RANBP3: variants seen among roughly 807,000 people sequenced by gnomAD.
RANBP3 encodes ran-binding protein 3.
A neutral mutation model predicts 77.3 loss-of-function variants in RANBP3; 14 were observed. The observed-to-expected ratio is 0.18, with a 90% CI of 0.12 to 0.28. RANBP3 has a LOEUF of 0.28. RANBP3 is among the 10% of genes least tolerant of loss of function. RANBP3 has a pLI of 1.00. For missense variants in RANBP3, 586 were observed against 752.3 expected (o/e 0.78, Z 2.59); for synonymous variants, 315 against 312.4 (o/e 1.01, Z -0.09).
chr19:5,961,336 G>A (rs758956835), intron 1 of RANBP3, among the ~76,000 whole-genome samples: 12 of 151,694 alleles, frequency 7.9e-5, no homozygotes, highest in African/African-American at 1.2e-4. Context: ...CCAGCAACTC[G>A]GGAGGCTGAG....
rs986616626 is a variant in RANBP3, at chr19:5,917,489, G to A, written c.*121C>T. The A allele has an allele frequency of 6.2e-5, 72 of 1,161,006 alleles. No individual in the cohort carries two copies. Among genetic ancestry groups the A allele is most frequent in the Middle Eastern group, 2.9e-4 (1 of 3,420 alleles). The allele number at this position is 1,161,006 out of a possible 1,614,324, so 71.9% of individuals were successfully genotyped here. A position where few individuals can be genotyped will look rare whatever the true frequency, so the allele number is the denominator to read the frequency against. Reference sequence around the variant, plus strand: ...GGACGTGCGGGTCCAGACTGTGGCCGGCCCAGTGGGGTGTGTGGTTCCCGG... The same window carrying A: ...GGACGTGCGGGTCCAGACTGTGGCCAGCCCAGTGGGGTGTGTGGTTCCCGG... On this transcript the variant is annotated 3_prime_UTR_variant, in exon 17 of 17. Transcript: ENST00000340578.
rs574346567 is a variant in RANBP3, at chr19:5,951,661, C to CG, written c.79-66dup. Reference sequence around the variant, plus strand: ...AGGCTGCATCACACAGCAGGAAGGGCGGGCAGGGGTCAGAGGCTGGAGCTG... The same window carrying CG: ...AGGCTGCATCACACAGCAGGAAGGGCGGGGCAGGGGTCAGAGGCTGGAGCTG... On this transcript the variant is annotated intron_variant, in intron 2 of 16. Transcript: ENST00000340578. 197 of 1,461,766 alleles carry CG rather than the reference C, an allele frequency of 1.3e-4. 1 individual carries two copies. The African/African-American group carries it at 2.6e-3, about 19-fold the overall frequency. 90.5% of individuals were successfully genotyped at this position (1,461,766 alleles called of 1,614,324 possible).
At chr19:5,947,143 G>A (rs560385210) in intron 3 of RANBP3, among the ~76,000 whole-genome samples, 11 of 151,972 alleles carry the variant, frequency 7.2e-5, no homozygotes, top group African/African-American at 2.4e-4. Flanking sequence ...GAGAAACCCC[G>A]TCTCTACTAA....
Position 5,932,491 on chromosome 19 carries a change from C to A in RANBP3, c.526G>T (p.Val176Leu). 3 of 1,613,906 alleles carry A rather than the reference C, an allele frequency of 1.9e-6. No homozygotes were observed. Among genetic ancestry groups the A allele is most frequent in the Non-Finnish European group, 2.5e-6 (3 of 1,180,024 alleles). Residue 176 changes from valine to leucine, a missense_variant, in exon 7 of 17, where the codon GTG (valine) becomes TTG (leucine). Val to Leu is a conservative substitution (Grantham distance 32). Around this residue, in one of 5 missense-constraint regions of RANBP3, gnomAD observed 232 missense variants for 271.7 expected, o/e 0.85. Transcript: ENST00000340578. The part of the protein sequence containing the change: ...EQQRSVLRPA[V>L]LQAPQPKALS... ...GCCTTTGGCTGCGGAGCTTGTAACA[C>A]TGCCGGGCGAAGCACGCTCCGCTGC...
At chr19:5,933,541 G>T in intron 5 of RANBP3, 62 bp from the exon 6 acceptor site, 1 of 1,425,608 alleles carries the variant, frequency 7.0e-7, no homozygotes, top group Non-Finnish European at 9.8e-7. Flanking sequence ...GGCCTGGGGG[G>T]CAAGGGCAGG....
intron 1 of RANBP3, among the ~76,000 whole-genome samples, chr19:5,961,801 C>A (rs2058406081): frequency 6.6e-6 from 1 of 152,104 alleles, no homozygotes; most frequent in Non-Finnish European, 1.5e-5. Flanking sequence ...AGGCTGAGCA[C>A]CTTGAGACAG....
At chr19:5,922,336 G>A (rs987435979) in intron 13 of RANBP3, among the ~76,000 whole-genome samples, 1 of 152,176 alleles carries the variant, frequency 6.6e-6, no homozygotes, top group East Asian at 1.9e-4. Context: ...AGATGACAAA[G>A]TGGTAAGTGG....
At chr19:5,969,554 C>T (rs967297555) in intron 1 of RANBP3, among the ~76,000 whole-genome samples, 2 of 152,246 alleles carry the variant, frequency 1.3e-5, no homozygotes, top group Non-Finnish European at 2.9e-5. Context: ...CCATAAACAG[C>T]GACAGCGAAA....
intron 1 of RANBP3, among the ~76,000 whole-genome samples, chr19:5,964,780 G>A (rs2058443947): frequency 6.7e-6 from 1 of 148,798 alleles, no homozygotes; most frequent in Admixed American, 6.8e-5. Flanking sequence ...GCTAATGCTT[G>A]GGACACGCCT....
chr19:5,924,392 C>A lies in RANBP3; in HGVS notation c.996+435G>T, dbSNP rs368633633. Among the ~76,000 whole-genome samples, 1 of 152,244 alleles carries A rather than the reference C, an allele frequency of 6.6e-6. No individual in the cohort carries two copies. Among genetic ancestry groups the A allele is most frequent in the Non-Finnish European group, 1.5e-5 (1 of 68,044 alleles). ...CCCAGGCTGGCTGGGCTCCTGGGAA[C>A]GGAGATGGGCCTTTCGTGCACCCAA... On this transcript the variant is annotated intron_variant, in intron 11 of 16. Coordinates refer to ENST00000340578, the MANE Select transcript of RANBP3 (RefSeq NM_007322.3). This position sits in a 1 kb window ranked among gnomAD's most constrained non-coding sequence, Gnocchi z 4.7.
chr19:5,931,531 A>C lies in RANBP3; in HGVS notation c.566T>G (p.Val189Gly). ...APQPKALSQT[V>G]PSSGTNGVSL... The stretch of plus-strand genomic sequence containing the variant: ...GACCCCGTTGGTGCCACTGCTGGGG[A>C]CTGTGGGAGGGAAGGAGAGTGGGGA... The change falls in exon 8 of 17, where the codon GTC becomes GGC. Residue 189 changes from valine (V) to glycine (G), a missense_variant and splice_region_variant. Coordinates refer to ENST00000340578, the MANE Select transcript of RANBP3 (RefSeq NM_007322.3). 2 of 1,605,814 alleles carry C rather than the reference A, an allele frequency of 1.2e-6. No homozygotes were observed. The highest frequency in any genetic ancestry group is 1.7e-6 in the Non-Finnish European group (2 of 1,174,646).
intron 6 of RANBP3, 119 bp downstream of exon 6, chr19:5,933,295 C>A: frequency 1.3e-6 from 1 of 787,208 alleles, no homozygotes. Flanking sequence ...GCTCGTGGGT[C>A]AAGTTACAAG....
At chr19:5,935,383 G>A (rs900552165) in intron 5 of RANBP3, among the ~76,000 whole-genome samples, 13 of 152,236 alleles carry the variant, frequency 8.5e-5, no homozygotes, top group Non-Finnish European at 1.3e-4. Flanking sequence ...TGCAGGATGC[G>A]GGGGTGAGCC....
intron 15 of RANBP3, 55 bp downstream of exon 15, chr19:5,918,441 C>A: frequency 1.4e-6 from 2 of 1,425,224 alleles, no homozygotes; most frequent in Admixed American, 2.0e-5. Flanking sequence ...GCCCAGGAAC[C>A]CCCACAGGGC....
At chr19:5,934,036 G>C (rs1599740376) in intron 5 of RANBP3, 1 of 152,312 alleles carries the variant, frequency 6.6e-6, no homozygotes. Context: ...TCAGTGAGGG[G>C]GCACTCCTGG....
At chr19:5,954,658 C>A (rs1432003267) in intron 2 of RANBP3, among the ~76,000 whole-genome samples, 1 of 152,142 alleles carries the variant, frequency 6.6e-6, no homozygotes, top group African/African-American at 2.4e-5. Context: ...CTCGGAAAAA[C>A]AATGGCAGCA....
chr19:5,946,502 T>C (rs1049472841), intron 3 of RANBP3, among the ~76,000 whole-genome samples: 2 of 152,132 alleles, frequency 1.3e-5, no homozygotes, highest in Non-Finnish European at 2.9e-5. Context: ...AGCCAAGGCT[T>C]GGGAAGAACA....
At chr19:5,925,474 A>C in intron 10 of RANBP3, 160 bp downstream of exon 10, 3 of 647,636 alleles carry the variant, frequency 4.6e-6, no homozygotes, top group Non-Finnish European at 8.2e-6. Context: ...TGGCCCACCC[A>C]AGGTTGTGCC....
chr19:5,934,441 G>A (rs1332679312), intron 5 of RANBP3: 2 of 152,258 alleles, frequency 1.3e-5, no homozygotes, highest in Admixed American at 6.5e-5. Flanking sequence ...AACACTAGCA[G>A]TGAATGACCC....
Sources: allele counts gnomAD v4.1 joint callset (sites outside exome capture counted in the v4.1 genomes callset), GRCh38; gene constraint gnomAD v4.1.1; regional missense constraint gnomAD v4.1.1; non-coding constraint Gnocchi (gnomAD v3.1); transcripts MANE v1.5; gene names NCBI Gene and HGNC (gene_info 2026-07-23, HGNC 2026-07-21).